FSTL4: variants seen among roughly 807,000 people sequenced by gnomAD.
FSTL4 encodes follistatin-related protein 4.
In FSTL4, 28 loss-of-function variants were observed where a neutral mutation model predicts 78.2. That is an observed-to-expected ratio of 0.36 (90% CI 0.27 to 0.49). FSTL4 has a LOEUF of 0.49. Among genes scored for constraint, FSTL4 ranks in the 20% least tolerant of loss-of-function variants. The pLI is 0.98. For missense variants in FSTL4, 922 were observed against 1,084.9 expected (o/e 0.85, Z 2.11); for synonymous variants, 422 against 440.5 (o/e 0.96, Z 0.53).
intron 7 of FSTL4, among the ~76,000 whole-genome samples, chr5:133,239,234 C>G (rs1017843995): frequency 7.3e-6 from 1 of 137,626 alleles, no homozygotes; most frequent in African/African-American, 2.6e-5. Flanking sequence ...CCCACCCCCA[C>G]CCCCCTCCCT....
chr5:133,524,522 A>G (rs1030526464), intron 3 of FSTL4, among the ~76,000 whole-genome samples: 8 of 152,198 alleles, frequency 5.3e-5, no homozygotes, highest in Non-Finnish European at 1.0e-4. Flanking sequence ...AAGATGCTGT[A>G]ACTTGCAGAA....
At chr5:133,522,642 C>T (rs1759002859) in intron 3 of FSTL4, among the ~76,000 whole-genome samples, 1 of 152,214 alleles carries the variant, frequency 6.6e-6, no homozygotes. Context: ...ATCTCAGTGG[C>T]TGCCACTTTT....
chr5:133,769,543 C>T, the FSTL4 span, among the ~76,000 whole-genome samples: 1 of 152,206 alleles, frequency 6.6e-6, no homozygotes, highest in African/African-American at 2.4e-5. Context: ...TCTGGTCCAT[C>T]AGTATCATCA....
chr5:133,840,459 T>C, the FSTL4 span, among the ~76,000 whole-genome samples: 2 of 152,244 alleles, frequency 1.3e-5, no homozygotes, highest in Non-Finnish European at 2.9e-5. Flanking sequence ...CACTCCGATT[T>C]TCCAGTCCTC....
At position 133,583,339 on chromosome 5, in the gene FSTL4, C is replaced by A. The variant is rs542386260; in HGVS notation, c.127-16120G>T. ...AACAGCTCCGGTCTACAGCTCCCAG[C>A]GTGAGCGACGCAGAAGACGGGTGAT... On this transcript the variant is annotated intron_variant, in intron 2 of 15. Coordinates refer to ENST00000265342, the MANE Select transcript of FSTL4 (RefSeq NM_015082.2). 10 of 396,054 alleles carry A rather than the reference C, an allele frequency of 2.5e-5. 2 individuals are homozygous for A. The East Asian group carries it at 4.9e-4, about 20-fold the overall frequency. The allele number at this position is 396,054 out of a possible 1,614,324, so 24.5% of individuals were successfully genotyped here.
chr5:133,380,305 C>T (rs1024675966), intron 4 of FSTL4, among the ~76,000 whole-genome samples: 6 of 150,190 alleles, frequency 4.0e-5, no homozygotes, highest in African/African-American at 7.3e-5. Flanking sequence ...GCTAGACTAA[C>T]AAAAAAATTT....
At chr5:133,456,807 C>A (rs1561724259) in intron 3 of FSTL4, among the ~76,000 whole-genome samples, 1 of 152,200 alleles carries the variant, frequency 6.6e-6, no homozygotes, top group Non-Finnish European at 1.5e-5. Flanking sequence ...GAGCCCCCAA[C>A]TATCTGTGAC....
At chr5:133,748,513 G>T in the FSTL4 span, among the ~76,000 whole-genome samples, 1 of 152,204 alleles carries the variant, frequency 6.6e-6, no homozygotes, top group Non-Finnish European at 1.5e-5. Context: ...AGAGGTTGCA[G>T]TAAGCCGAGA....
chr5:133,292,608 T>A (rs1233693628), intron 6 of FSTL4, among the ~76,000 whole-genome samples: 3 of 151,936 alleles, frequency 2.0e-5, no homozygotes, highest in Non-Finnish European at 4.4e-5. Context: ...GAGACTCTCA[T>A]GCTTCCTGAG....
At chr5:133,727,202 A>G in the FSTL4 span, among the ~76,000 whole-genome samples, 1 of 152,226 alleles carries the variant, frequency 6.6e-6, no homozygotes, top group South Asian at 2.1e-4. Flanking sequence ...TCCAGCAGGC[A>G]GCAAACTTTG....
chr5:133,773,163 C>A, the FSTL4 span, among the ~76,000 whole-genome samples: 1 of 150,506 alleles, frequency 6.6e-6, no homozygotes, highest in African/African-American at 2.4e-5. Flanking sequence ...ACAATTTTAC[C>A]TTCATTATAT....
At chr5:133,704,723 G>C in the FSTL4 span, among the ~76,000 whole-genome samples, 7 of 152,310 alleles carry the variant, frequency 4.6e-5, no homozygotes, top group Admixed American at 4.6e-4. Context: ...CCACCCCCTG[G>C]GGTGTACCCA....
chr5:133,211,144 G>A (rs1159946723), intron 13 of FSTL4, among the ~76,000 whole-genome samples: 2 of 152,146 alleles, frequency 1.3e-5, no homozygotes, highest in Admixed American at 6.5e-5. Context: ...ATCAGCAGAC[G>A]TGCTCTTTTT....
At chr5:133,619,245 C>T in the FSTL4 span, among the ~76,000 whole-genome samples, 1 of 152,060 alleles carries the variant, frequency 6.6e-6, no homozygotes, top group African/African-American at 2.4e-5. Context: ...CAACTTGTGA[C>T]CCTGTAAATG....
chr5:133,658,064 C>T, the FSTL4 span, among the ~76,000 whole-genome samples: 2 of 151,934 alleles, frequency 1.3e-5, no homozygotes, highest in Admixed American at 1.3e-4. Flanking sequence ...TGAGATTTTT[C>T]TTTTATTCCA....
At chr5:133,569,059 A>G (rs1222607933) in intron 2 of FSTL4, among the ~76,000 whole-genome samples, 1 of 151,960 alleles carries the variant, frequency 6.6e-6, no homozygotes, top group East Asian at 1.9e-4. Context: ...TATTTCTTCC[A>G]GCTGATTTTT....
At chr5:133,654,234 C>A in the FSTL4 span, among the ~76,000 whole-genome samples, 2 of 152,180 alleles carry the variant, frequency 1.3e-5, no homozygotes, top group African/African-American at 4.8e-5. Flanking sequence ...TCGCAGCCAC[C>A]ATTTACTGAT....
chr5:133,285,058 C>T (rs1370043857), intron 6 of FSTL4, among the ~76,000 whole-genome samples: 1 of 152,218 alleles, frequency 6.6e-6, no homozygotes, highest in African/African-American at 2.4e-5. Context: ...GGAAGCCCCA[C>T]TGGGCGGCCC....
the FSTL4 span, among the ~76,000 whole-genome samples, chr5:133,676,533 T>C: frequency 6.6e-6 from 1 of 152,248 alleles, no homozygotes; most frequent in Non-Finnish European, 1.5e-5. Flanking sequence ...TAGAATAGCC[T>C]TCTTCTCAGC....
Sources: gnomAD v4.1 joint callset for allele counts (sites outside exome capture counted in the v4.1 genomes callset) on GRCh38, gnomAD v4.1.1 for gene constraint, MANE v1.5 for transcripts, NCBI Gene and HGNC (gene_info 2026-07-23, HGNC 2026-07-21) for gene names.